Variants in CHST9 observed in about 807,000 individuals in gnomAD.
The protein encoded by CHST9 is carbohydrate sulfotransferase 9.
In CHST9, 41 loss-of-function variants were observed where a neutral mutation model predicts 44.4. The ratio of observed to expected loss-of-function variants is 0.92; its 90% CI spans 0.72 to 1.20. The LOEUF is 1.20. Ranked by LOEUF, CHST9 falls within the 50% of genes most tolerant of loss-of-function variation. The pLI, the probability that CHST9 is intolerant of heterozygous loss-of-function variation, is 0.00. For synonymous variants in CHST9, 171 were observed against 178.4 expected (o/e 0.96, Z 0.33); for missense variants, 504 against 516.5 (o/e 0.98, Z 0.23).
intron 5 of CHST9, among the ~76,000 whole-genome samples, chr18:26,917,645 C>T (rs57287485): frequency 0.011 from 1,706 of 152,152 alleles, 38 homozygotes; most frequent in African/African-American, 0.039. Context: ...GCATCTATGA[C>T]TTTTGGGATA....
At chr18:26,997,842 C>T (rs1055114476) in intron 4 of CHST9, among the ~76,000 whole-genome samples, 5 of 152,308 alleles carry the variant, frequency 3.3e-5, no homozygotes, top group African/African-American at 1.2e-4. Flanking sequence ...TAAATTTCTG[C>T]CACAGGCCTC....
At chr18:27,150,741 G>C (rs2058652737) in intron 1 of CHST9, among the ~76,000 whole-genome samples, 1 of 152,016 alleles carries the variant, frequency 6.6e-6, no homozygotes, top group Non-Finnish European at 1.5e-5. Flanking sequence ...TTCAATCCTA[G>C]TTTTCTTTGT....
chr18:26,968,052 C>T (rs373843566), intron 4 of CHST9, among the ~76,000 whole-genome samples: 10 of 152,338 alleles, frequency 6.6e-5, no homozygotes, highest in African/African-American at 2.2e-4. Flanking sequence ...TCCCTGCTTT[C>T]GAGCTTTGGG....
chr18:27,162,176 A>G (rs1598770077), intron 1 of CHST9, among the ~76,000 whole-genome samples: 3 of 152,240 alleles, frequency 2.0e-5, no homozygotes, highest in Non-Finnish European at 2.9e-5. Context: ...TATTTTGCTC[A>G]TTAGTTGATG....
chr18:27,093,016 C>T (rs12953555), intron 2 of CHST9, among the ~76,000 whole-genome samples: 51,936 of 151,928 alleles, frequency 0.34, 9,327 homozygotes, highest in Non-Finnish European at 0.4. Flanking sequence ...TGCTGGAGTT[C>T]TATTCCAGAC....
chr18:27,103,333 A>G (rs553407456), intron 2 of CHST9, among the ~76,000 whole-genome samples: 3 of 152,250 alleles, frequency 2.0e-5, no homozygotes, highest in African/African-American at 7.2e-5. Context: ...ATGAGGAAGT[A>G]CTGTACCTGG....
chr18:27,124,199 A>G (rs1410769079), intron 2 of CHST9, among the ~76,000 whole-genome samples: 2 of 152,226 alleles, frequency 1.3e-5, no homozygotes, highest in East Asian at 3.8e-4. Context: ...TTAATCAGAA[A>G]TTGCTTCAGG....
chr18:26,957,150 T>C (rs1462009579), intron 4 of CHST9, among the ~76,000 whole-genome samples: 1 of 152,158 alleles, frequency 6.6e-6, no homozygotes, highest in Non-Finnish European at 1.5e-5. Context: ...CTGTGGTGCC[T>C]ACCTCCAACC....
rs1171779361 is a variant in CHST9, at chr18:26,972,830, AGT to A, written c.203-28466_203-28465del. Among the ~76,000 whole-genome samples the A allele has an allele frequency of 4.6e-5, 7 of 152,206 alleles. No individual in the cohort carries two copies. In the East Asian group the frequency reaches 9.7e-4, roughly 21 times the overall value. On this transcript the variant is annotated intron_variant, in intron 4 of 5. Transcript: ENST00000618847. The stretch of plus-strand genomic sequence containing the variant: ...GGCTCTGATACCAGATTTCCTTTCA[AGT>A]GTGTGTTTTAAAATGCAGTTTTGGC...
intron 5 of CHST9, among the ~76,000 whole-genome samples, chr18:26,921,997 C>T (rs2055664809): frequency 1.3e-5 from 2 of 152,208 alleles, no homozygotes; most frequent in African/African-American, 4.8e-5. Context: ...TCATTATCCT[C>T]CTAATTAGTG....
chr18:26,962,351 C>T (rs1264502501), intron 4 of CHST9, among the ~76,000 whole-genome samples: 1 of 148,386 alleles, frequency 6.7e-6, no homozygotes, highest in African/African-American at 2.5e-5. Flanking sequence ...GGTGCAGTGG[C>T]GCGATCTCAG....
At chr18:27,121,071 G>C (rs549379693) in intron 2 of CHST9, among the ~76,000 whole-genome samples, 1 of 152,082 alleles carries the variant, frequency 6.6e-6, no homozygotes, top group Non-Finnish European at 1.5e-5. Context: ...GCACAATCAC[G>C]GCTCACTGAA....
At chr18:27,141,306 A>C (rs1252203380) in intron 2 of CHST9, among the ~76,000 whole-genome samples, 2 of 152,156 alleles carry the variant, frequency 1.3e-5, no homozygotes, top group Non-Finnish European at 2.9e-5. Context: ...CGGAGCTTGC[A>C]GTGAGCTGAG....
intron 5 of CHST9, among the ~76,000 whole-genome samples, chr18:26,920,668 T>A (rs2055633607): frequency 6.6e-6 from 1 of 152,240 alleles, no homozygotes; most frequent in African/African-American, 2.4e-5. Context: ...TCTAAACAAC[T>A]GTTTTATGAC....
intron 5 of CHST9, among the ~76,000 whole-genome samples, chr18:26,924,387 CAGACCTCTTGAGTTTA>C (rs1377962279): frequency 6.6e-6 from 1 of 152,064 alleles, no homozygotes; most frequent in East Asian, 1.9e-4. Context: ...TCTTCGATTT[CAGACCTCTTGAGTTTA>C]AGGTGCCTTA....
intron 2 of CHST9, among the ~76,000 whole-genome samples, chr18:27,062,290 T>C (rs2057732292): frequency 6.6e-6 from 1 of 152,140 alleles, no homozygotes; most frequent in Admixed American, 6.5e-5. Context: ...TAGGTATATC[T>C]CCTAATGCTA....
At chr18:27,010,534 C>T (rs2057071033) in intron 4 of CHST9, among the ~76,000 whole-genome samples, 1 of 152,150 alleles carries the variant, frequency 6.6e-6, no homozygotes, top group Admixed American at 6.5e-5. Context: ...CAGCCTCGAA[C>T]TTGTATCCTA....
intron 1 of CHST9, among the ~76,000 whole-genome samples, chr18:27,151,210 T>TAAATTAATACTA (rs2058656581): frequency 6.6e-6 from 1 of 152,176 alleles, no homozygotes; most frequent in South Asian, 2.1e-4. Flanking sequence ...ATTTTAATAC[T>TAAATTAATACTA]GTGTAATTCC....
rs1402759476 is a variant in CHST9 at position 27,121,569 on chromosome 18, G to A, written c.121+21120C>T. On this transcript the variant is annotated intron_variant, in intron 2 of 5. Transcript: ENST00000618847. ...GAATCCAATTTTGGTAAATAATTGG[G>A]GAAACAGGGAAGAAAGGGAGTCCTT... Among the ~76,000 whole-genome samples the A allele has an allele frequency of 2.0e-5, 3 of 152,146 alleles. No individual in the cohort carries two copies. In the East Asian group the frequency reaches 5.8e-4, roughly 29 times the overall value.
Sources: gnomAD v4.1 joint callset for allele counts (sites outside exome capture counted in the v4.1 genomes callset) on GRCh38, gnomAD v4.1.1 for gene constraint, MANE v1.5 for transcripts, NCBI Gene and HGNC (gene_info 2026-07-23, HGNC 2026-07-21) for gene names.